Variants in ARR3 observed in about 807,000 individuals in gnomAD.
The protein encoded by ARR3 is arrestin 3.
ARR3 carries 14 observed loss-of-function variants against 35.4 expected under a neutral mutation model. That is an observed-to-expected ratio of 0.40 (90% CI 0.26 to 0.62). ARR3 has a LOEUF of 0.62. Ranked by LOEUF, ARR3 falls within the 20% of genes least tolerant of loss-of-function variation. The pLI is 0.46. For missense variants in ARR3, 259 were observed against 303.8 expected (o/e 0.85, Z 1.10); for synonymous variants, 97 against 119.1 (o/e 0.81, Z 1.21).
chrX:70,277,824 T>C, intron 10 of ARR3, 24 bp downstream of exon 10: 1 of 1,172,044 alleles, frequency 8.5e-7, no homozygotes, highest in Non-Finnish European at 1.2e-6. Flanking sequence ...CCCATCCCTG[T>C]GCACCTGGTC....
chrX:70,278,790 A>T, intron 12 of ARR3, 149 bp downstream of exon 12: 2 of 768,733 alleles, frequency 2.6e-6, no homozygotes, highest in Non-Finnish European at 3.6e-6. Context: ...CTCCAGGCCT[A>T]AAGGCCTGCA....
rs371635154 is a variant in ARR3, at chrX:70,276,108, C to T, written c.172C>T (p.Arg58Cys). 5 of 1,210,205 alleles carry T rather than the reference C, an allele frequency of 4.1e-6. No homozygotes were observed. The highest frequency in any genetic ancestry group is 1.7e-5 in the African/African-American group (1 of 57,184). ...GTTTGTCATGTTGACATGTGCCTTT[C>T]GCTATGGCCGTGATGACTTGGAAGT... Reference protein sequence around the residue: ...KLFVMLTCAFRYGRDDLEVIG... With the variant: ...KLFVMLTCAFCYGRDDLEVIG... Residue 58 changes from arginine (R) to cysteine (C), a missense_variant, in exon 6 of 17, where the codon CGC becomes TGC. Transcript: ENST00000307959.
chrX:70,273,736 A>G (rs953671173), intron 5 of ARR3, among the ~76,000 whole-genome samples: 1 of 111,803 alleles, frequency 8.9e-6, no homozygotes, highest in Non-Finnish European at 1.9e-5. Flanking sequence ...GGGTTACTAG[A>G]GCAGTCCTAT....
In ARR3 at chrX:70,280,272, G is replaced by A. The variant is rs960446369; in HGVS notation, c.983G>A (p.Cys328Tyr). Residue 328 changes from cysteine (C) to tyrosine (Y), a missense_variant, in exon 13 of 17, where the codon TGT becomes TAT. Transcript: ENST00000307959. ...YKVRVNLMVS[C>Y]GGILGDLTAS... ...GTCAGAGTCAACCTGATGGTGTCCT[G>A]TGGTGGGTAAGTGAGGGTTCTGGGT... is the stretch of plus-strand genomic sequence containing the variant. 8.3e-7 allele frequency: 1 copy of A among 1,207,950 alleles called. No homozygotes were observed. Among genetic ancestry groups the A allele is most frequent in the East Asian group, 3.0e-5 (1 of 33,745 alleles).
In ARR3 at chrX:70,270,126, T is replaced by C; in HGVS notation, c.127T>C (p.Tyr43His). 8.3e-7 allele frequency: 1 copy of C among 1,211,675 alleles called. No individual in the cohort carries two copies. The highest frequency in any genetic ancestry group is 3.0e-5 in the East Asian group (1 of 33,864). The change falls in exon 5 of 17, where the codon TAC becomes CAC. Residue 43 changes from tyrosine (Y) to histidine (H), a missense_variant. Coordinates refer to ENST00000307959, the MANE Select transcript of ARR3 (RefSeq NM_004312.3). ...IDGVVLVDPE[Y>H]LKCRKLFVML... ...CGGTGTTGTCCTGGTTGATCCTGAG[T>C]ACTTAAAATGTCGAAAGTGTAAGTG...
At position 70,281,433 on chromosome X, in the gene ARR3, C is replaced by T. The variant is rs948983113; in HGVS notation, c.1077-243C>T. On this transcript the variant is annotated intron_variant, in intron 16 of 16. Transcript: ENST00000307959. Reference sequence around the variant, plus strand: ...CTTTGATACCTTCCCTCCTTCCCATCCCTCATCCTTATGTCCCTTTCAGTG... The same window carrying T: ...CTTTGATACCTTCCCTCCTTCCCATTCCTCATCCTTATGTCCCTTTCAGTG... 1.3e-4 allele frequency among the ~76,000 whole-genome samples: 14 copies of T among 110,490 alleles called. 1 individual carries two copies. Among genetic ancestry groups the T allele is most frequent in the Admixed American group, 1.2e-3 (12 of 10,375 alleles).
At chrX:70,268,743 CTG>C (rs1378327778) in intron 1 of ARR3, among the ~76,000 whole-genome samples, 3 of 112,402 alleles carry the variant, frequency 2.7e-5, no homozygotes, top group African/African-American at 9.7e-5. Flanking sequence ...TCACCAAAAA[CTG>C]AGAGCATGAA....
chrX:70,278,787 C>A, intron 12 of ARR3, 146 bp downstream of exon 12: 1 of 784,653 alleles, frequency 1.3e-6, no homozygotes, highest in Non-Finnish European at 1.8e-6. Flanking sequence ...CTCCTCCAGG[C>A]CTAAAGGCCT....
At chrX:70,280,502 C>T (rs1474581739) in intron 13 of ARR3, 57 bp from the exon 14 acceptor site, 1 of 1,139,676 alleles carries the variant, frequency 8.8e-7, no homozygotes, top group Non-Finnish European at 1.2e-6. Context: ...CCTTGTGAAA[C>T]TAGGTTGCCC....
chrX:70,279,988 C>T (rs1174413977), intron 12 of ARR3, among the ~76,000 whole-genome samples: 1 of 111,475 alleles, frequency 9.0e-6, no homozygotes, highest in Non-Finnish European at 1.9e-5. Context: ...AAGGTAGGCT[C>T]TTGAGCAGAG....
chrX:70,281,008 G>T, intron 15 of ARR3, 91 bp from the exon 16 acceptor site: 3 of 961,764 alleles, frequency 3.1e-6, no homozygotes, highest in South Asian at 2.1e-5. Context: ...AAGTTGGGGG[G>T]GGGGGAAGTA....
intron 11 of ARR3, 91 bp from the exon 12 acceptor site, chrX:70,278,413 T>C: frequency 9.6e-7 from 1 of 1,040,443 alleles, no homozygotes; most frequent in Non-Finnish European, 1.3e-6. Flanking sequence ...CAGTAGGTTC[T>C]TGTATAATCT....
In ARR3 at chrX:70,281,002, T is replaced by C. The variant is rs754739103; in HGVS notation, c.1067-97T>C. 5.7e-4 allele frequency: 445 copies of C among 786,912 alleles called. 1 individual carries two copies. In the African/African-American group the frequency reaches 0.012, roughly 21 times the overall value. The allele number at this position is 786,912 out of a possible 1,213,427, so 64.9% of individuals were successfully genotyped here. On this transcript the variant is annotated intron_variant, in intron 15 of 16. Transcript: ENST00000307959. ...GTGCTGGAGCAAAGGATTGGGAAGT[T>C]GGGGGGGGGGGAAGTAAAGATACTT...
At chrX:70,276,530 C>A in intron 7 of ARR3, 38 bp downstream of exon 7, 1 of 1,192,851 alleles carries the variant, frequency 8.4e-7, no homozygotes, top group Non-Finnish European at 1.1e-6. Flanking sequence ...ATAGGTAGTG[C>A]CAGGGAAGAG....
Position 70,280,240 on chromosome X carries a change from C to T in ARR3, c.951C>T (p.Ser317=). 8.3e-7 allele frequency: 1 copy of T among 1,211,500 alleles called. No individual in the cohort carries two copies. Among genetic ancestry groups the T allele is most frequent in the Non-Finnish European group, 1.1e-6 (1 of 895,339 alleles). ...AAGAGCTGCTGGGGATCCTGGTGTC[C>T]TACAAAGTCAGAGTCAACCTGATGG... is the stretch of plus-strand genomic sequence containing the variant. ...MDKELLGILV[S]YKVRVNLMVS... The change falls in exon 13 of 17, where the codon TCC becomes TCT. Residue 317 remains serine (S), a synonymous_variant. Transcript: ENST00000307959.
chrX:70,279,812 G>A (rs2147643527), intron 12 of ARR3, among the ~76,000 whole-genome samples: 1 of 112,170 alleles, frequency 8.9e-6, no homozygotes, highest in African/African-American at 3.2e-5. Flanking sequence ...CACAGCATGG[G>A]CAAAGGCTAG....
chrX:70,270,515 T>C (rs1410427684), intron 5 of ARR3, among the ~76,000 whole-genome samples: 2 of 112,115 alleles, frequency 1.8e-5, no homozygotes, highest in Non-Finnish European at 3.8e-5. Flanking sequence ...TTCTCTATTA[T>C]TACTGGTGGT....
Position 70,276,118 on chromosome X carries a change from G to T in ARR3, c.182G>T (p.Arg61Leu), listed in dbSNP as rs763163029. ...VMLTCAFRYGRDDLEVIGLTF... is the reference protein window; with the variant it reads ...VMLTCAFRYGLDDLEVIGLTF... Reference sequence around the variant, plus strand: ...TTGACATGTGCCTTTCGCTATGGCCGTGATGACTTGGAAGTGATTGGTCTG... The same window carrying T: ...TTGACATGTGCCTTTCGCTATGGCCTTGATGACTTGGAAGTGATTGGTCTG... Residue 61 changes from arginine to leucine, a missense_variant, in exon 6 of 17, where the codon CGT (arginine) becomes CTT (leucine). By Grantham distance (102) the Arg-to-Leu change is moderately radical (BLOSUM62 -2). Coordinates refer to ENST00000307959, the MANE Select transcript of ARR3 (RefSeq NM_004312.3). 3 of 1,210,106 alleles carry T rather than the reference G, an allele frequency of 2.5e-6. No homozygotes were observed. Among genetic ancestry groups the T allele is most frequent in the Non-Finnish European group, 2.2e-6 (2 of 895,274 alleles).
chrX:70,273,383 G>A (rs889603397), intron 5 of ARR3, among the ~76,000 whole-genome samples: 6 of 109,476 alleles, frequency 5.5e-5, no homozygotes, highest in Admixed American at 9.7e-5. Context: ...CACCACGCCC[G>A]GTTAATTTTT....
Sources: allele counts gnomAD v4.1 joint callset (sites outside exome capture counted in the v4.1 genomes callset), GRCh38; gene constraint gnomAD v4.1.1; transcripts MANE v1.5; gene names NCBI Gene and HGNC (gene_info 2026-07-23, HGNC 2026-07-21).